PNLIPRP3: variants seen among roughly 807,000 people sequenced by gnomAD.
PNLIPRP3 encodes pancreatic lipase related protein 3.
PNLIPRP3 carries 58 observed loss-of-function variants against 52.8 expected under a neutral mutation model. The ratio of observed to expected loss-of-function variants is 1.10; its 90% CI spans 0.89 to 1.37. The LOEUF (loss-of-function observed/expected upper bound fraction) is 1.37. Ranked by LOEUF, PNLIPRP3 falls within the 40% of genes most tolerant of loss-of-function variation. PNLIPRP3 has a pLI of 0.00. For missense variants in PNLIPRP3, 593 were observed against 561.6 expected (o/e 1.06, Z -0.57); for synonymous variants, 192 against 185.0 (o/e 1.04, Z -0.31).
chr10:116,437,638 G>T (rs1589975802), intron 2 of PNLIPRP3, among the ~76,000 whole-genome samples: 1 of 152,186 alleles, frequency 6.6e-6, no homozygotes, highest in Admixed American at 6.5e-5. Context: ...GAGCTTTTCA[G>T]AGATGCTTTA....
rs1241499600 is a variant in PNLIPRP3, at chr10:116,477,115, A to G, written c.1366A>G (p.Met456Val). 1 of 1,598,334 alleles carries G rather than the reference A, an allele frequency of 6.3e-7. No individual in the cohort carries two copies. Residue 456 changes from methionine (M) to valine (V), a missense_variant, in exon 12 of 12, where the codon ATG becomes GTG. Transcript: ENST00000369230. The part of the protein sequence containing the change: ...YKSTFCSQDI[M>V]GPNILQNLKP... ...ATCTACCTTCTGTAGCCAAGACATTATGGGACCTAATATTCTCCAGAACCT... is the reference window on the plus strand; with the variant it reads ...ATCTACCTTCTGTAGCCAAGACATTGTGGGACCTAATATTCTCCAGAACCT...
intron 4 of PNLIPRP3, among the ~76,000 whole-genome samples, chr10:116,449,314 G>A (rs1202943270): frequency 1.3e-5 from 2 of 152,072 alleles, no homozygotes; most frequent in African/African-American, 2.4e-5. Flanking sequence ...AGATAGTTTT[G>A]AAAAGATTTA....
At chr10:116,460,903 C>T in intron 5 of PNLIPRP3, 63 bp from the exon 6 acceptor site, 1 of 1,574,646 alleles carries the variant, frequency 6.4e-7, no homozygotes, top group Non-Finnish European at 8.6e-7. Context: ...ACACATGCTT[C>T]CAAAGTAACA....
rs532417536 is a variant in PNLIPRP3 at position 116,467,593 on chromosome 10, C to T, written c.927+1425C>T. ...ATACAAATAAAATTAAAGAAGCAAA[C>T]GACCTTATATTCCCTTCAATCCTTC... On this transcript the variant is annotated intron_variant, in intron 8 of 11. Transcript: ENST00000369230. 2.8e-4 allele frequency among the ~76,000 whole-genome samples: 43 copies of T among 152,186 alleles called. 1 individual carries two copies. Among genetic ancestry groups the T allele is most frequent in the African/African-American group, 9.9e-4 (41 of 41,530 alleles).
intron 1 of PNLIPRP3, among the ~76,000 whole-genome samples, chr10:116,431,666 C>T (rs1218953734): frequency 2.0e-5 from 3 of 152,096 alleles, no homozygotes; most frequent in African/African-American, 7.2e-5. Flanking sequence ...CTAGTTACTG[C>T]AAACTAGAAA....
intron 4 of PNLIPRP3, among the ~76,000 whole-genome samples, chr10:116,454,109 T>A (rs568528681): frequency 8.1e-4 from 124 of 152,228 alleles, no homozygotes; most frequent in Admixed American, 1.5e-3. Flanking sequence ...GCAAAGGACA[T>A]GATCTCATTC....
At chr10:116,466,517 T>C (rs1846284003) in intron 8 of PNLIPRP3, among the ~76,000 whole-genome samples, 1 of 152,246 alleles carries the variant, frequency 6.6e-6, no homozygotes, top group Non-Finnish European at 1.5e-5. Context: ...TCTTCAAAGA[T>C]GCCCTAAGAA....
chr10:116,437,148 G>C (rs990573021), intron 2 of PNLIPRP3, among the ~76,000 whole-genome samples: 2 of 148,552 alleles, frequency 1.3e-5, no homozygotes, highest in African/African-American at 5.0e-5. Flanking sequence ...CCTTCCATCT[G>C]TAAGACTGAA....
chr10:116,477,464 T>C lies in PNLIPRP3; in HGVS notation c.*311T>C, dbSNP rs1846492438. On this transcript the variant is annotated 3_prime_UTR_variant, in exon 12 of 12. Transcript: ENST00000369230. Reference sequence around the variant, plus strand: ...AGGTGATGCAAATGTATGTTGAGTGTATAAACTCACTGGACAAAAGTAAGC... The same window carrying C: ...AGGTGATGCAAATGTATGTTGAGTGCATAAACTCACTGGACAAAAGTAAGC... The C allele has an allele frequency of 5.2e-6, 1 of 191,636 alleles. No individual in the cohort carries two copies. 11.9% of individuals were successfully genotyped at this position (191,636 alleles called of 1,614,324 possible).
chr10:116,455,727 A>G lies in PNLIPRP3; in HGVS notation c.462A>G (p.Lys154=). 6.2e-7 allele frequency: 1 copy of G among 1,612,468 alleles called. No homozygotes were observed. The highest frequency in any genetic ancestry group is 8.5e-7 in the Non-Finnish European group (1 of 1,178,834). ...VAYFIDVLMK[K]FEYSPSKVHL... Reference sequence around the variant, plus strand: ...CTGTTAAACAATTCTTTCAGAAAAAATTTGAATATTCCCCTTCTAAAGTGC... The same window carrying G: ...CTGTTAAACAATTCTTTCAGAAAAAGTTTGAATATTCCCCTTCTAAAGTGC... The change falls in exon 5 of 12, where the codon AAA becomes AAG. Residue 154 remains lysine, a synonymous_variant. Coordinates refer to ENST00000369230, the MANE Select transcript of PNLIPRP3 (RefSeq NM_001011709.3).
chr10:116,477,016 G>T, intron 11 of PNLIPRP3, 74 bp from the exon 12 acceptor site: 1 of 1,305,502 alleles, frequency 7.7e-7, no homozygotes, highest in Non-Finnish European at 1.1e-6. Context: ...TCATTAAATC[G>T]GGGGATCTAC....
At chr10:116,469,772 C>T (rs565215083) in intron 9 of PNLIPRP3, among the ~76,000 whole-genome samples, 2 of 152,206 alleles carry the variant, frequency 1.3e-5, no homozygotes, top group East Asian at 1.9e-4. Context: ...CAAATCAGGT[C>T]AGATCATGAG....
intron 11 of PNLIPRP3, 53 bp downstream of exon 11, chr10:116,476,872 G>A: frequency 1.4e-6 from 2 of 1,465,334 alleles, no homozygotes; most frequent in Admixed American, 2.3e-5. Context: ...TATAAATGGT[G>A]TTTAAACCCA....
intron 2 of PNLIPRP3, among the ~76,000 whole-genome samples, chr10:116,442,528 T>C (rs1470876885): frequency 6.6e-6 from 1 of 152,178 alleles, no homozygotes; most frequent in African/African-American, 2.4e-5. Context: ...AAATCAAAGA[T>C]TTTTTCCTCG....
At chr10:116,441,443 TG>T (rs1845856670) in intron 2 of PNLIPRP3, among the ~76,000 whole-genome samples, 1 of 152,158 alleles carries the variant, frequency 6.6e-6, no homozygotes, top group African/African-American at 2.4e-5. Context: ...GATGTAGAAA[TG>T]GGACTATAGT....
At chr10:116,436,572 T>C (rs896475025) in intron 1 of PNLIPRP3, 139 bp from the exon 2 acceptor site, 7 of 881,606 alleles carry the variant, frequency 7.9e-6, no homozygotes, top group Non-Finnish European at 1.2e-5. Context: ...CCCTATAGAA[T>C]AGGAGAAAAT....
intron 4 of PNLIPRP3, among the ~76,000 whole-genome samples, chr10:116,446,042 C>T (rs1429102022): frequency 6.6e-6 from 1 of 152,074 alleles, no homozygotes; most frequent in African/African-American, 2.4e-5. Context: ...AGAAAATAGT[C>T]ATTTAAAATA....
chr10:116,459,161 T>C (rs1211236026), intron 5 of PNLIPRP3, among the ~76,000 whole-genome samples: 1 of 152,076 alleles, frequency 6.6e-6, no homozygotes, highest in African/African-American at 2.4e-5. Context: ...ACTTCATGAA[T>C]TTCTTTTCTT....
intron 3 of PNLIPRP3, 62 bp downstream of exon 3, chr10:116,443,236 A>G (rs1298333622): frequency 5.3e-6 from 8 of 1,518,888 alleles, no homozygotes; most frequent in African/African-American, 2.8e-5. Flanking sequence ...ACATGAATGT[A>G]CTTTGCAAGG....
Sources: allele counts gnomAD v4.1 joint callset (sites outside exome capture counted in the v4.1 genomes callset), GRCh38; gene constraint gnomAD v4.1.1; transcripts MANE v1.5; gene names NCBI Gene and HGNC (gene_info 2026-07-23, HGNC 2026-07-21).